The following PMFBP1 variants were observed in gnomAD, a reference collection of about 807,000 sequenced individuals.
PMFBP1 encodes the protein polyamine-modulated factor 1-binding protein 1.
Under a neutral mutation model 137.8 loss-of-function variants are expected in PMFBP1, and 131 were observed. That is an observed-to-expected ratio of 0.95 (90% CI 0.82 to 1.10). The LOEUF is 1.10. Among genes scored for constraint, PMFBP1 ranks in the 50% least tolerant of loss-of-function variants. The probability of loss-of-function intolerance (pLI) is 0.00; values close to 1 mark genes in which losing one functional copy is unlikely to be tolerated. For synonymous variants in PMFBP1, 490 were observed against 450.4 expected (o/e 1.09, Z -1.11); for missense variants, 1,199 against 1,175.4 (o/e 1.02, Z -0.29).
intron 4 of PMFBP1, among the ~76,000 whole-genome samples, chr16:72,152,060 T>C (rs2042910028): frequency 1.3e-5 from 2 of 152,200 alleles, no homozygotes. Flanking sequence ...CCAGTGTCCT[T>C]TATGGGCTTC....
chr16:72,216,914 G>T, the PMFBP1 span, among the ~76,000 whole-genome samples: 2 of 152,216 alleles, frequency 1.3e-5, no homozygotes, highest in Non-Finnish European at 1.5e-5. Flanking sequence ...AGGGAGGAAA[G>T]ATAACTTCTT....
chr16:72,193,504 A>AT, the PMFBP1 span, among the ~76,000 whole-genome samples: 2 of 152,100 alleles, frequency 1.3e-5, no homozygotes, highest in Admixed American at 6.5e-5. Flanking sequence ...GCTTATCTGT[A>AT]TTTTTTGTCT....
At position 72,154,308 on chromosome 16, in the gene PMFBP1, G is replaced by C; in HGVS notation, c.317C>G (p.Thr106Ser). Residue 106 changes from threonine to serine, a missense_variant, in exon 4 of 21, where the codon ACT (threonine) becomes AGT (serine). Coordinates refer to ENST00000237353, the MANE Select transcript of PMFBP1 (RefSeq NM_031293.3). ...ATACTGGCGGAGAGAATAGTAAGAAGTCTGCAACTCCTCTGTGTGAAACTC... is the reference window on the plus strand; with the variant it reads ...ATACTGGCGGAGAGAATAGTAAGAACTCTGCAACTCCTCTGTGTGAAACTC... ...ELEFHTEELQTSYYSLRQYQS... is the reference protein window; with the variant it reads ...ELEFHTEELQSSYYSLRQYQS... 6.2e-7 allele frequency: 1 copy of C among 1,614,148 alleles called. No homozygotes were observed. Among genetic ancestry groups the C allele is most frequent in the Admixed American group, 1.7e-5 (1 of 60,024 alleles).
chr16:72,133,249 A>G (rs1275387801), intron 9 of PMFBP1, among the ~76,000 whole-genome samples: 1 of 152,022 alleles, frequency 6.6e-6, no homozygotes, highest in Non-Finnish European at 1.5e-5. Flanking sequence ...CAATAGCATG[A>G]TCTTGGCTCA....
At chr16:72,132,397 G>A (rs1451002257) in intron 10 of PMFBP1, among the ~76,000 whole-genome samples, 1 of 152,190 alleles carries the variant, frequency 6.6e-6, no homozygotes, top group Non-Finnish European at 1.5e-5. Context: ...AGCCAGGGAA[G>A]GGTGAAGTGA....
intron 3 of PMFBP1, among the ~76,000 whole-genome samples, chr16:72,156,207 G>C (rs1009620731): frequency 3.9e-5 from 6 of 152,028 alleles, no homozygotes; most frequent in Non-Finnish European, 7.4e-5. Flanking sequence ...AGTTGGTCTC[G>C]AACTCCTAAG....
chr16:72,207,987 C>T, the PMFBP1 span, among the ~76,000 whole-genome samples: 1 of 152,096 alleles, frequency 6.6e-6, no homozygotes, highest in Non-Finnish European at 1.5e-5. Context: ...CAGAAAAAGC[C>T]AATGTCCCAG....
At chr16:72,229,705 T>C in the PMFBP1 span, among the ~76,000 whole-genome samples, 1 of 152,178 alleles carries the variant, frequency 6.6e-6, no homozygotes, top group Non-Finnish European at 1.5e-5. Context: ...TGATGCACTC[T>C]TGGTAAGATT....
At chr16:72,145,349 G>A (rs1007380883) in intron 5 of PMFBP1, among the ~76,000 whole-genome samples, 8 of 152,116 alleles carry the variant, frequency 5.3e-5, no homozygotes, top group Non-Finnish European at 7.4e-5. Flanking sequence ...CAAAGACACA[G>A]CATACTGGAA....
the PMFBP1 span, among the ~76,000 whole-genome samples, chr16:72,186,625 T>C: frequency 6.6e-6 from 1 of 152,078 alleles, no homozygotes; most frequent in Admixed American, 6.5e-5. Flanking sequence ...GGAGACCGAA[T>C]AGACAGAGAG....
the PMFBP1 span, among the ~76,000 whole-genome samples, chr16:72,216,023 A>C: frequency 2.0e-5 from 3 of 152,174 alleles, no homozygotes. Flanking sequence ...CTTGCATGTA[A>C]GTGGGATCAT....
In PMFBP1 at chr16:72,139,872, C is replaced by A. The variant is rs371343222; in HGVS notation, c.808-473G>T. Among the ~76,000 whole-genome samples, 4 of 151,944 alleles carry A rather than the reference C, an allele frequency of 2.6e-5. No homozygotes were observed. In the East Asian group the frequency reaches 7.7e-4, roughly 29 times the overall value. ...TTTGTTGAAAATAATTCAAATAAGA[C>A]CTGAGCATGGAAAAGTGAAACCCCC... On this transcript the variant is annotated intron_variant, in intron 6 of 20. Transcript: ENST00000237353.
chr16:72,242,025 G>T, the PMFBP1 span, among the ~76,000 whole-genome samples: 1 of 152,184 alleles, frequency 6.6e-6, no homozygotes, highest in Non-Finnish European at 1.5e-5. Context: ...GTTGTGTCCT[G>T]CAGTTCTCTC....
chr16:72,247,736 A>G, the PMFBP1 span, among the ~76,000 whole-genome samples: 1 of 152,198 alleles, frequency 6.6e-6, no homozygotes, highest in Non-Finnish European at 1.5e-5. Context: ...TTGGGATACA[A>G]AGAGCTTAAT....
intron 12 of PMFBP1, 23 bp from the exon 13 acceptor site, chr16:72,129,256 G>T: frequency 6.2e-7 from 1 of 1,605,172 alleles, no homozygotes; most frequent in South Asian, 1.1e-5. Context: ...AGACTGAGCT[G>T]AAAGACTGTC....
intron 2 of PMFBP1, among the ~76,000 whole-genome samples, chr16:72,165,934 C>A (rs1020189945): frequency 6.6e-6 from 1 of 152,046 alleles, no homozygotes. Context: ...GATGGTGGGG[C>A]TTTATCACTC....
chr16:72,154,583 T>A, intron 3 of PMFBP1, 124 bp from the exon 4 acceptor site: 2 of 1,103,310 alleles, frequency 1.8e-6, no homozygotes, highest in South Asian at 1.6e-5. Context: ...TATCTTTTCA[T>A]CTACAGAGAT....
chr16:72,248,570 T>C, the PMFBP1 span, among the ~76,000 whole-genome samples: 1 of 152,194 alleles, frequency 6.6e-6, no homozygotes, highest in African/African-American at 2.4e-5. Flanking sequence ...GAGATTTGTG[T>C]GTTTTATAAT....
the PMFBP1 span, among the ~76,000 whole-genome samples, chr16:72,241,607 A>G: frequency 2.6e-5 from 4 of 152,168 alleles, no homozygotes; most frequent in Non-Finnish European, 4.4e-5. Context: ...GGGTGGGTTC[A>G]GTTCTTTAAA....
Sources: gnomAD v4.1 joint callset for allele counts (sites outside exome capture counted in the v4.1 genomes callset) on GRCh38, gnomAD v4.1.1 for gene constraint, MANE v1.5 for transcripts, NCBI Gene and HGNC (gene_info 2026-07-23, HGNC 2026-07-21) for gene names.